The following BCL9 variants were observed in gnomAD, a reference collection of about 807,000 sequenced individuals.
BCL9 encodes BCL9 transcription coactivator.
In BCL9, 25 loss-of-function variants were observed where a neutral mutation model predicts 88.5. That is an observed-to-expected ratio of 0.28 (90% CI 0.21 to 0.39). The LOEUF (loss-of-function observed/expected upper bound fraction) is 0.39, where lower values mean the gene tolerates loss of function less well. BCL9 is among the 10% of genes least tolerant of loss of function. The pLI, the probability that BCL9 is intolerant of heterozygous loss-of-function variation, is 1.00. For missense variants in BCL9, 1,817 were observed against 1,877.8 expected (o/e 0.97, Z 0.60); for synonymous variants, 711 against 673.3 (o/e 1.06, Z -0.87).
chr1:147,610,349 G>A (rs1410402659), intron 3 of BCL9, among the ~76,000 whole-genome samples: 1 of 152,100 alleles, frequency 6.6e-6, no homozygotes, highest in Non-Finnish European at 1.5e-5. Context: ...ATTTAATTGA[G>A]TGTACTCAGA....
chr1:147,614,322 T>C, intron 5 of BCL9, 105 bp from the exon 6 acceptor site: 1 of 1,083,314 alleles, frequency 9.2e-7, no homozygotes. Flanking sequence ...AGCAAGGTGG[T>C]ACTTCCTTGA....
At chr1:147,548,029 T>C (rs2068023) in intron 1 of BCL9, among the ~76,000 whole-genome samples, 3,980 of 152,218 alleles carry the variant, frequency 0.026, 161 homozygotes, top group African/African-American at 0.091. Flanking sequence ...TCCTGAAAAA[T>C]ACGCAAATTC....
chr1:147,543,708 A>G (rs1212612855), intron 1 of BCL9, among the ~76,000 whole-genome samples: 1 of 152,186 alleles, frequency 6.6e-6, no homozygotes, highest in Non-Finnish European at 1.5e-5. Flanking sequence ...CCATCATGTT[A>G]TAGATGAGGA....
intron 9 of BCL9, among the ~76,000 whole-genome samples, chr1:147,622,909 C>G (rs782150165): frequency 6.6e-6 from 1 of 151,086 alleles, no homozygotes; most frequent in Non-Finnish European, 1.5e-5. Context: ...AGAGCAGCCT[C>G]AAACCACAAG....
chr1:147,599,283 G>A (rs1298406121), intron 1 of BCL9, among the ~76,000 whole-genome samples: 2 of 152,238 alleles, frequency 1.3e-5, no homozygotes, highest in Non-Finnish European at 2.9e-5. Context: ...TGGCCCAGGC[G>A]GTGCAGACTC....
chr1:147,594,526 G>C (rs781984692), intron 1 of BCL9, among the ~76,000 whole-genome samples: 21 of 152,194 alleles, frequency 1.4e-4, no homozygotes, highest in Non-Finnish European at 2.8e-4. Flanking sequence ...AGCTAGACTT[G>C]TAGATGTGCT....
chr1:147,621,674 T>C (rs1475513937), intron 8 of BCL9, among the ~76,000 whole-genome samples: 5 of 152,188 alleles, frequency 3.3e-5, no homozygotes, highest in African/African-American at 9.7e-5. Context: ...AGGTTGGTGC[T>C]GTCTCCACCT....
At position 147,619,902 on chromosome 1, in the gene BCL9, T is replaced by C. The variant is rs782454130; in HGVS notation, c.1747T>C (p.Ser583Pro). ...MEGPNVPNPA[S>P]RPGLSGVSWP... ...AGGGCCGAATGTCCCCAACCCTGCA[T>C]CTAGACCAGGTCTTTCTGGAGTCAG... The change falls in exon 8 of 10, where the codon TCT (serine) becomes CCT (proline). Residue 583 changes from serine (S) to proline (P), a missense_variant. By Grantham distance (74) the Ser-to-Pro change is moderately conservative (BLOSUM62 -1). Around this residue, in one of 2 missense-constraint regions of BCL9, gnomAD observed 1,228 missense variants for 1,191.6 expected, o/e 1.03. Coordinates refer to ENST00000234739, the MANE Select transcript of BCL9 (RefSeq NM_004326.4). The surrounding 1 kb of genome is among the most constrained non-coding windows in gnomAD (Gnocchi z 4.1). The C allele has an allele frequency of 1.2e-5, 19 of 1,614,058 alleles. No individual in the cohort carries two copies. Among genetic ancestry groups the C allele is most frequent in the Non-Finnish European group, 1.5e-5 (18 of 1,180,052 alleles).
rs587721049 is a variant in BCL9 at position 147,566,670 on chromosome 1, T to G, written c.-478+24996T>G. 2.7e-3 allele frequency among the ~76,000 whole-genome samples: 411 copies of G among 151,940 alleles called. 2 individuals carry two copies. The highest frequency in any genetic ancestry group is 7.4e-3 in the African/African-American group (306 of 41,398). ...AGACGGGAGGCCGAGGCAGGAGAAC[T>G]GCGTGAACCCGGGAGGCGGAGTTTG... On this transcript the variant is annotated intron_variant, in intron 1 of 9. Coordinates refer to ENST00000234739, the MANE Select transcript of BCL9 (RefSeq NM_004326.4).
At chr1:147,598,852 G>C (rs1044454099) in intron 1 of BCL9, among the ~76,000 whole-genome samples, 1 of 152,168 alleles carries the variant, frequency 6.6e-6, no homozygotes, top group Non-Finnish European at 1.5e-5. Context: ...CTATAATAAC[G>C]GTTGTTCACC....
intron 3 of BCL9, among the ~76,000 whole-genome samples, chr1:147,607,193 TGC>T (rs1553202110): frequency 6.6e-6 from 1 of 152,240 alleles, no homozygotes; most frequent in Non-Finnish European, 1.5e-5. Context: ...CGAATAGTAT[TGC>T]ATTGTGCATA....
intron 1 of BCL9, among the ~76,000 whole-genome samples, chr1:147,547,059 C>T (rs1243448720): frequency 6.6e-6 from 1 of 151,952 alleles, no homozygotes; most frequent in Non-Finnish European, 1.5e-5. Context: ...ACAGTGTAAG[C>T]AACTATAGTG....
intron 1 of BCL9, among the ~76,000 whole-genome samples, chr1:147,585,537 G>A (rs1040249144): frequency 2.6e-5 from 4 of 152,150 alleles, no homozygotes; most frequent in Non-Finnish European, 5.9e-5. Flanking sequence ...CGGTTTCATG[G>A]AGGTATTAGG....
At chr1:147,590,386 C>T (rs1553199754) in intron 1 of BCL9, among the ~76,000 whole-genome samples, 1 of 152,204 alleles carries the variant, frequency 6.6e-6, no homozygotes, top group East Asian at 1.9e-4. Flanking sequence ...CTTCATTTAC[C>T]TTTACATTGC....
At chr1:147,623,719 G>T (rs1308869275) in intron 9 of BCL9, 123 bp from the exon 10 acceptor site, 36 of 1,121,862 alleles carry the variant, frequency 3.2e-5, no homozygotes, top group Non-Finnish European at 4.4e-5. Context: ...ATTGTGTGTT[G>T]TATGTTTTCC....
In BCL9 at chr1:147,619,917, T is replaced by C; in HGVS notation, c.1762T>C (p.Ser588Pro). 1 of 1,614,218 alleles carries C rather than the reference T, an allele frequency of 6.2e-7. No individual in the cohort carries two copies. Among genetic ancestry groups the C allele is most frequent in the Non-Finnish European group, 8.5e-7 (1 of 1,180,042 alleles). ...CAACCCTGCATCTAGACCAGGTCTT[T>C]CTGGAGTCAGTTGGCCAGATGATGT... ...VPNPASRPGL[S>P]GVSWPDDVPK... The change falls in exon 8 of 10, where the codon TCT (serine) becomes CCT (proline). Residue 588 changes from serine to proline, a missense_variant. Physicochemically the swap from Ser to Pro is moderately conservative, Grantham distance 74. Around this residue, in one of 2 missense-constraint regions of BCL9, gnomAD observed 1,228 missense variants for 1,191.6 expected, o/e 1.03. Transcript: ENST00000234739. The surrounding 1 kb of genome is among the most constrained non-coding windows in gnomAD (Gnocchi z 4.1).
intron 1 of BCL9, among the ~76,000 whole-genome samples, chr1:147,564,647 G>A (rs1259629108): frequency 1.3e-5 from 2 of 152,178 alleles, no homozygotes; most frequent in Admixed American, 6.5e-5. Flanking sequence ...AGAGCATAAA[G>A]TTAATTACAA....
At chr1:147,555,637 G>A (rs1655073116) in intron 1 of BCL9, among the ~76,000 whole-genome samples, 1 of 152,188 alleles carries the variant, frequency 6.6e-6, no homozygotes, top group Admixed American at 6.5e-5. Context: ...TGGAGTCGAA[G>A]GCTTCCTATT....
chr1:147,579,382 G>T (rs1656260988), intron 1 of BCL9, among the ~76,000 whole-genome samples: 1 of 152,186 alleles, frequency 6.6e-6, no homozygotes, highest in Admixed American at 6.5e-5. Flanking sequence ...GCAGAGAATT[G>T]CCTTTCTCTA....
Sources: gnomAD v4.1 joint callset for allele counts (sites outside exome capture counted in the v4.1 genomes callset) on GRCh38, gnomAD v4.1.1 for gene constraint, gnomAD v4.1.1 regional missense constraint, Gnocchi (gnomAD v3.1) non-coding constraint, MANE v1.5 for transcripts, NCBI Gene and HGNC (gene_info 2026-07-23, HGNC 2026-07-21) for gene names.